The following KDM1B variants were observed in gnomAD, a reference collection of about 807,000 sequenced individuals.
KDM1B encodes the protein lysine demethylase 1B.
A neutral mutation model predicts 107.4 loss-of-function variants in KDM1B; 63 were observed. The observed-to-expected ratio is 0.59, with a 90% CI of 0.48 to 0.72. The LOEUF (loss-of-function observed/expected upper bound fraction) is 0.72, where lower values mean the gene tolerates loss of function less well. Among genes scored for constraint, KDM1B ranks in the 30% least tolerant of loss-of-function variants. The probability of loss-of-function intolerance (pLI) is 0.00; values close to 1 mark genes in which losing one functional copy is unlikely to be tolerated. For missense variants in KDM1B, 749 were observed against 1,020.8 expected, an observed-to-expected ratio of 0.73 and a Z score of 3.63; for synonymous variants, 363 against 363.9, an observed-to-expected ratio of 1.00 and a Z score of 0.03.
intron 6 of KDM1B, among the ~76,000 whole-genome samples, chr6:18,169,957 T>A (rs1785548467): frequency 6.7e-6 from 1 of 149,828 alleles, no homozygotes; most frequent in Non-Finnish European, 1.5e-5. Flanking sequence ...TTGCCCAGGC[T>A]GGGGTGCATT....
chr6:18,155,846 T>C lies in KDM1B; in HGVS notation c.-57-37T>C, dbSNP rs1478524270. 6.6e-6 allele frequency: 1 copy of C among 152,238 alleles called. No individual in the cohort carries two copies. The highest frequency in any genetic ancestry group is 1.9e-4 in the East Asian group (1 of 5,168). 9.4% of individuals were successfully genotyped at this position (152,238 alleles called of 1,614,324 possible). A position where few individuals can be genotyped will look rare whatever the true frequency, so the allele number is the denominator to read the frequency against. ...GCCGGGTTCGTCGCGATGTTGCCGG[T>C]CGGCTAACCCCCCTACAATGTTTCC... On this transcript the variant is annotated intron_variant, in intron 1 of 21. Coordinates refer to ENST00000650836, the MANE Select transcript of KDM1B (RefSeq NM_001364614.2). This position sits in a 1 kb window ranked among gnomAD's most constrained non-coding sequence, Gnocchi z 6.2.
Position 18,223,558 on chromosome 6 carries a change from A to G in KDM1B, c.*1566A>G, listed in dbSNP as rs1789956785. Reference sequence around the variant, plus strand: ...AAATGTTAAGTTTGAAATGGTTAACAGTAAATTATTATGTTAGTTTCCAGG... The same window carrying G: ...AAATGTTAAGTTTGAAATGGTTAACGGTAAATTATTATGTTAGTTTCCAGG... On this transcript the variant is annotated 3_prime_UTR_variant, in exon 22 of 22. Transcript: ENST00000650836. The G allele has an allele frequency of 6.6e-6, 1 of 152,178 alleles. No individual in the cohort carries two copies. 9.4% of individuals were successfully genotyped at this position (152,178 alleles called of 1,614,324 possible). A position where few individuals can be genotyped will look rare whatever the true frequency, so the allele number is the denominator to read the frequency against.
In KDM1B at chr6:18,166,813, C is replaced by G. The variant is rs147530996; in HGVS notation, c.417+435C>G. On this transcript the variant is annotated intron_variant, in intron 6 of 21. Transcript: ENST00000650836. ...AGGCTGTAGTGAGCTATGATTACAC[C>G]ACTACACTCCAGCCTGGATGACAGA... Among the ~76,000 whole-genome samples, 256 of 150,006 alleles carry G rather than the reference C, an allele frequency of 1.7e-3. 1 individual carries two copies. Among genetic ancestry groups the G allele is most frequent in the African/African-American group, 5.6e-3 (227 of 40,780 alleles).
chr6:18,180,610 G>C (rs1786395793), intron 7 of KDM1B, among the ~76,000 whole-genome samples: 1 of 152,116 alleles, frequency 6.6e-6, no homozygotes, highest in Admixed American at 6.6e-5. Context: ...CTATTGCCCA[G>C]GCTGGAGTGC....
At position 18,156,983 on chromosome 6, in the gene KDM1B, C is replaced by T. The variant is rs149116471; in HGVS notation, c.-14+1057C>T. 2.9e-4 allele frequency among the ~76,000 whole-genome samples: 44 copies of T among 152,248 alleles called. 1 individual carries two copies. The East Asian group carries it at 7.9e-3, about 27-fold the overall frequency. ...AACCTAGGGATTATTATAATGAAATCTACATATTGATATATCCACTTATAT... is the reference window on the plus strand; with the variant it reads ...AACCTAGGGATTATTATAATGAAATTTACATATTGATATATCCACTTATAT... On this transcript the variant is annotated intron_variant, in intron 2 of 21. Transcript: ENST00000650836.
chr6:18,171,554 T>G lies in KDM1B; in HGVS notation c.534+75T>G, dbSNP rs965693592. 1.1e-5 allele frequency: 9 copies of G among 829,010 alleles called. No individual in the cohort carries two copies. In the Admixed American group the frequency reaches 1.3e-4, roughly 12 times the overall value. 51.4% of individuals were successfully genotyped at this position (829,010 alleles called of 1,614,324 possible). A position where few individuals can be genotyped will look rare whatever the true frequency, so the allele number is the denominator to read the frequency against. On this transcript the variant is annotated intron_variant, in intron 7 of 21. Coordinates refer to ENST00000650836, the MANE Select transcript of KDM1B (RefSeq NM_001364614.2). ...TAAATAGTAATGGTGTATATGTTTT[T>G]CATGTATTGTGTTGATCATTCTGTC...
intron 2 of KDM1B, among the ~76,000 whole-genome samples, chr6:18,156,591 T>C (rs1784624586): frequency 6.6e-6 from 1 of 152,092 alleles, no homozygotes; most frequent in South Asian, 2.1e-4. Flanking sequence ...ACAAAAGATA[T>C]CTAGGCAATT....
In KDM1B at chr6:18,201,946, C is replaced by G. The variant is rs1202942900; in HGVS notation, c.1531+289C>G. On this transcript the variant is annotated intron_variant, in intron 14 of 21. Coordinates refer to ENST00000650836, the MANE Select transcript of KDM1B (RefSeq NM_001364614.2). The surrounding 1 kb of genome is among the most constrained non-coding windows in gnomAD (Gnocchi z 4.3). ...TTTAATTTTAAATTTCCCAGAGTAGCTTACTTTTATGGGAACATGTGGTAA... is the reference window on the plus strand; with the variant it reads ...TTTAATTTTAAATTTCCCAGAGTAGGTTACTTTTATGGGAACATGTGGTAA... 6.6e-6 allele frequency among the ~76,000 whole-genome samples: 1 copy of G among 152,142 alleles called. No individual in the cohort carries two copies.
chr6:18,173,215 T>A (rs1046154567), intron 7 of KDM1B, among the ~76,000 whole-genome samples: 5 of 152,218 alleles, frequency 3.3e-5, no homozygotes, highest in Admixed American at 2.0e-4. Context: ...TATTCTTTTT[T>A]AAAAAATTTA....
At chr6:18,160,094 C>G (rs1387315060) in intron 3 of KDM1B, 112 bp downstream of exon 3, 5 of 663,352 alleles carry the variant, frequency 7.5e-6, no homozygotes, top group African/African-American at 1.8e-5. Context: ...TGCTTGTATT[C>G]TAGGGGAGAA....
Position 18,197,331 on chromosome 6 carries a change from TA to T in KDM1B, c.1146+102del. 8.6e-7 allele frequency: 1 copy of T among 1,163,788 alleles called. No homozygotes were observed. The allele number at this position is 1,163,788 out of a possible 1,614,324, so 72.1% of individuals were successfully genotyped here. ...TATAGTAAAAGCCACATTATCACCA[TA>T]AAACTTAACAGAAGCAAGGCTTTCG... is the stretch of plus-strand genomic sequence containing the variant. On this transcript the variant is annotated intron_variant, in intron 11 of 21. Transcript: ENST00000650836. The surrounding 1 kb of genome is among the most constrained non-coding windows in gnomAD (Gnocchi z 4.5).
rs3798284 is a variant in KDM1B, at chr6:18,207,275, G to A, written c.1660-123G>A. On this transcript the variant is annotated intron_variant, in intron 15 of 21. Transcript: ENST00000650836. ...CCCAGTGGTGGTCTCTGCCTAGGCT[G>A]GTCTGCCTGTCCCCTGCCCTCCTGC... The A allele has an allele frequency of 7.5e-6, 7 of 938,944 alleles. No individual in the cohort carries two copies. In the East Asian group the frequency reaches 1.7e-4, roughly 23 times the overall value. The allele number at this position is 938,944 out of a possible 1,614,324, so 58.2% of individuals were successfully genotyped here. A position where few individuals can be genotyped will look rare whatever the true frequency, so the allele number is the denominator to read the frequency against.
chr6:18,208,451 A>G (rs966367775), intron 17 of KDM1B, among the ~76,000 whole-genome samples: 5 of 151,484 alleles, frequency 3.3e-5, no homozygotes, highest in African/African-American at 1.2e-4. Context: ...GGTGAGTTCT[A>G]GGGCACATTA....
intron 6 of KDM1B, among the ~76,000 whole-genome samples, chr6:18,169,166 C>G (rs1582094862): frequency 6.6e-6 from 1 of 151,770 alleles, no homozygotes; most frequent in African/African-American, 2.4e-5. Context: ...GCCACCTCGC[C>G]CAGTCTTCCT....
Position 18,207,380 on chromosome 6 carries a change from A to T in KDM1B, c.1660-18A>T. 6.2e-7 allele frequency: 1 copy of T among 1,613,460 alleles called. No individual in the cohort carries two copies. The highest frequency in any genetic ancestry group is 8.5e-7 in the Non-Finnish European group (1 of 1,179,736). On this transcript the variant is annotated intron_variant, in intron 15 of 21. Transcript: ENST00000650836. Reference sequence around the variant, plus strand: ...AAGGATTTACACTGCTGTGTCCCCAACCTCTCTTGTTTCCCAGGTATCTGC... The same window carrying T: ...AAGGATTTACACTGCTGTGTCCCCATCCTCTCTTGTTTCCCAGGTATCTGC...
intron 7 of KDM1B, among the ~76,000 whole-genome samples, chr6:18,184,424 A>G (rs1328976301): frequency 6.6e-6 from 1 of 150,962 alleles, no homozygotes; most frequent in East Asian, 1.9e-4. Flanking sequence ...ACAGGTGCGC[A>G]CCACCATGCC....
intron 9 of KDM1B, among the ~76,000 whole-genome samples, chr6:18,188,524 C>T (rs925692383): frequency 3.0e-4 from 46 of 152,328 alleles, no homozygotes; most frequent in African/African-American, 9.4e-4. Flanking sequence ...CTTTCTGCCT[C>T]TAATTATTGC....
chr6:18,222,018 T>G lies in KDM1B; in HGVS notation c.*26T>G. ...GAATTCGGTGGACCCAGCTTTCTTC[T>G]GTACCCCAGATGGGGAAATTTGAAT... On this transcript the variant is annotated 3_prime_UTR_variant, in exon 22 of 22. Transcript: ENST00000650836. The G allele has an allele frequency of 6.2e-7, 1 of 1,603,368 alleles. No homozygotes were observed. Among genetic ancestry groups the G allele is most frequent in the Non-Finnish European group, 8.5e-7 (1 of 1,170,214 alleles).
chr6:18,168,963 C>T lies in KDM1B; in HGVS notation c.418-2400C>T, dbSNP rs181529696. ...CTTGGCTCGCTGCAACCTCTGCCTT[C>T]TGGGTTCAAGCCATTCTCCTGCCTC... On this transcript the variant is annotated intron_variant, in intron 6 of 21. Coordinates refer to ENST00000650836, the MANE Select transcript of KDM1B (RefSeq NM_001364614.2). Among the ~76,000 whole-genome samples the T allele has an allele frequency of 4.5e-3, 681 of 151,938 alleles. 2 individuals carry two copies. Among genetic ancestry groups the T allele is most frequent in the South Asian group, 0.011 (55 of 4,820 alleles).
Sources: allele counts gnomAD v4.1 joint callset (sites outside exome capture counted in the v4.1 genomes callset), GRCh38; gene constraint gnomAD v4.1.1; non-coding constraint Gnocchi (gnomAD v3.1); transcripts MANE v1.5; gene names NCBI Gene and HGNC (gene_info 2026-07-23, HGNC 2026-07-21).